The following PREX1 variants were observed in gnomAD, a reference collection of about 807,000 sequenced individuals.
The protein encoded by PREX1 is phosphatidylinositol 3,4,5-trisphosphate-dependent Rac exchanger 1 protein.
PREX1 carries 41 observed loss-of-function variants against 198.3 expected under a neutral mutation model. The observed-to-expected ratio is 0.21, with a 90% CI of 0.16 to 0.27. The LOEUF (loss-of-function observed/expected upper bound fraction) is 0.27. PREX1 is among the 10% of genes least tolerant of loss of function. The pLI is 1.00. For missense variants in PREX1, 1,620 were observed against 2,200.7 expected, an observed-to-expected ratio of 0.74 and a Z score of 5.28; for synonymous variants, 843 against 887.2, an observed-to-expected ratio of 0.95 and a Z score of 0.89.
intron 5 of PREX1, among the ~76,000 whole-genome samples, chr20:48,718,384 G>A (rs553721328): frequency 1.3e-5 from 2 of 152,090 alleles, no homozygotes; most frequent in East Asian, 3.9e-4. Flanking sequence ...CAACTTAGTG[G>A]AAGCAAAAAT....
At chr20:48,814,479 G>C (rs2090450922) in intron 1 of PREX1, among the ~76,000 whole-genome samples, 1 of 152,194 alleles carries the variant, frequency 6.6e-6, no homozygotes. Context: ...GTACAAATCA[G>C]GGTTCCAAGA....
chr20:48,755,178 C>A (rs1439405822), intron 1 of PREX1, among the ~76,000 whole-genome samples: 2 of 152,060 alleles, frequency 1.3e-5, no homozygotes, highest in Non-Finnish European at 2.9e-5. Context: ...TTGATGTATC[C>A]TTAACTAGGA....
the PREX1 span, among the ~76,000 whole-genome samples, chr20:48,839,757 A>T: frequency 1.3e-5 from 2 of 152,138 alleles, no homozygotes; most frequent in South Asian, 2.1e-4. Flanking sequence ...GTGCTGGCCC[A>T]TGAAATTTCT....
intron 1 of PREX1, among the ~76,000 whole-genome samples, chr20:48,765,130 G>T (rs1389148094): frequency 6.6e-6 from 1 of 152,212 alleles, no homozygotes; most frequent in Admixed American, 6.5e-5. Flanking sequence ...CAAACCTGTT[G>T]TATCTCCATG....
rs754817478 is a variant in PREX1 at position 48,688,839 on chromosome 20, C to A, written c.1187-35G>T. 7 of 1,613,110 alleles carry A rather than the reference C, an allele frequency of 4.3e-6. No homozygotes were observed. In the South Asian group the frequency reaches 7.7e-5, roughly 18 times the overall value. On this transcript the variant is annotated intron_variant, in intron 9 of 39. Coordinates refer to ENST00000371941, the MANE Select transcript of PREX1 (RefSeq NM_020820.4). The stretch of plus-strand genomic sequence containing the variant: ...GGCACGGTCAGCACTGGAGAGAGCA[C>A]CAGGCCCAGGGCAGGGGGGGTAGGG...
At chr20:48,836,851 C>T in the PREX1 span, among the ~76,000 whole-genome samples, 11 of 136,416 alleles carry the variant, frequency 8.1e-5, 1 homozygote, top group South Asian at 2.3e-4. Flanking sequence ...GGAGGTGGAG[C>T]GAGATCGCAC....
At chr20:48,664,374 G>GAAA (rs11476844) in intron 15 of PREX1, among the ~76,000 whole-genome samples, 2 of 137,266 alleles carry the variant, frequency 1.5e-5, no homozygotes, top group Non-Finnish European at 3.1e-5. Context: ...GACTCCGTCT[G>GAAA]AAAAAAAAAA....
chr20:48,674,308 CATTCACTTTAAAA>C (rs1314334012), intron 14 of PREX1, among the ~76,000 whole-genome samples: 8 of 152,304 alleles, frequency 5.3e-5, no homozygotes, highest in Middle Eastern at 3.4e-3. Flanking sequence ...TGCTGAAAAA[CATTCACTTTAAAA>C]ATTGGCTGTG....
chr20:48,782,895 G>A (rs969015009), intron 1 of PREX1, among the ~76,000 whole-genome samples: 2 of 152,210 alleles, frequency 1.3e-5, no homozygotes, highest in African/African-American at 4.8e-5. Flanking sequence ...CTAAGGTGGG[G>A]TTAGCAAGAT....
intron 1 of PREX1, among the ~76,000 whole-genome samples, chr20:48,756,640 T>C (rs1011599729): frequency 6.6e-6 from 1 of 152,186 alleles, no homozygotes; most frequent in African/African-American, 2.4e-5. Flanking sequence ...ACAAAGAACC[T>C]ACAACTGAGG....
At chr20:48,636,394 C>T in intron 32 of PREX1, 69 bp downstream of exon 32, 1 of 1,476,420 alleles carries the variant, frequency 6.8e-7, no homozygotes. Flanking sequence ...GCAAGGGCTC[C>T]CTCGACCCGG....
chr20:48,733,806 A>G (rs935146552), intron 4 of PREX1, among the ~76,000 whole-genome samples: 1 of 152,002 alleles, frequency 6.6e-6, no homozygotes, highest in Non-Finnish European at 1.5e-5. Flanking sequence ...GTTGGAGTAC[A>G]GTGGTACCAT....
intron 19 of PREX1, 87 bp from the exon 20 acceptor site, chr20:48,653,584 A>C: frequency 6.6e-7 from 1 of 1,507,422 alleles, no homozygotes; most frequent in East Asian, 2.3e-5. Context: ...CACCACTGCA[A>C]CCCCAGACAC....
At chr20:48,766,146 A>T (rs532776167) in intron 1 of PREX1, among the ~76,000 whole-genome samples, 1 of 152,314 alleles carries the variant, frequency 6.6e-6, no homozygotes, top group South Asian at 2.1e-4. Flanking sequence ...TAATTATTTC[A>T]TTATATGTTA....
chr20:48,694,661 C>G (rs1304466370), intron 7 of PREX1, among the ~76,000 whole-genome samples: 1 of 152,182 alleles, frequency 6.6e-6, no homozygotes, highest in Admixed American at 6.5e-5. Flanking sequence ...GTTCCCACGC[C>G]GACTTGGCTG....
chr20:48,808,626 G>C (rs1245280838), intron 1 of PREX1, among the ~76,000 whole-genome samples: 1 of 152,124 alleles, frequency 6.6e-6, no homozygotes, highest in Non-Finnish European at 1.5e-5. Context: ...ACACTCCAAG[G>C]ACAACACCAC....
intron 29 of PREX1, among the ~76,000 whole-genome samples, 184 bp from the exon 30 acceptor site, chr20:48,640,078 C>A (rs1045104651): frequency 6.6e-6 from 1 of 152,170 alleles, no homozygotes; most frequent in Non-Finnish European, 1.5e-5. Context: ...TGGTACCACA[C>A]CCATGGCAGG....
the PREX1 span, among the ~76,000 whole-genome samples, chr20:48,882,950 T>TTA: frequency 1.3e-5 from 2 of 150,132 alleles, no homozygotes; most frequent in Non-Finnish European, 3.0e-5. Context: ...TTTTTTTTTT[T>TTA]AGATGAAGTC....
intron 5 of PREX1, among the ~76,000 whole-genome samples, chr20:48,725,081 C>G (rs867087428): frequency 2.6e-5 from 4 of 152,226 alleles, no homozygotes; most frequent in Admixed American, 1.3e-4. Context: ...GCCCCAGGGT[C>G]TGGCCCAGTT....
Sources: allele counts gnomAD v4.1 joint callset (sites outside exome capture counted in the v4.1 genomes callset), GRCh38; gene constraint gnomAD v4.1.1; transcripts MANE v1.5; gene names NCBI Gene and HGNC (gene_info 2026-07-23, HGNC 2026-07-21).